Variants in BABAM2 observed in about 807,000 individuals in gnomAD.
BABAM2 encodes BRISC and BRCA1-A complex member 2.
In BABAM2, 31 loss-of-function variants were observed where a neutral mutation model predicts 54.7. That is an observed-to-expected ratio of 0.57 (90% CI 0.43 to 0.77). The LOEUF (loss-of-function observed/expected upper bound fraction) is 0.77, where lower values mean the gene tolerates loss of function less well. Ranked by LOEUF, BABAM2 falls within the 30% of genes least tolerant of loss-of-function variation. The probability of loss-of-function intolerance (pLI) is 0.00; values close to 1 mark genes in which losing one functional copy is unlikely to be tolerated. For synonymous variants in BABAM2, 167 were observed against 162.9 expected, an observed-to-expected ratio of 1.03 and a Z score of -0.19; for missense variants, 364 against 455.8, an observed-to-expected ratio of 0.80 and a Z score of 1.83.
rs186059501 is a variant in BABAM2, at chr2:28,329,120, C to T, written c.1089-9330C>T. Among the ~76,000 whole-genome samples, 727 of 152,310 alleles carry T rather than the reference C, an allele frequency of 4.8e-3. 4 individuals are homozygous for T. Among genetic ancestry groups the T allele is most frequent in the South Asian group, 0.028 (134 of 4,832 alleles). ...TCCCTGTCTTAACTTTCTTCAGTCT[C>T]CTGATTTCCCCTTCTCTAGAACCCA... On this transcript the variant is annotated intron_variant, in intron 11 of 11. Coordinates refer to ENST00000379624, the MANE Select transcript of BABAM2 (RefSeq NM_199191.3). The surrounding 1 kb of genome is among the most constrained non-coding windows in gnomAD (Gnocchi z 4.2).
intron 6 of BABAM2, among the ~76,000 whole-genome samples, chr2:28,061,295 A>G (rs867434394): frequency 4.6e-5 from 7 of 152,050 alleles, no homozygotes; most frequent in African/African-American, 9.7e-5. Context: ...TTAAAAAAAA[A>G]AGAGAAAAGG....
upstream of BABAM2, chr2:27,889,873 T>A (rs1467881385): frequency 5.0e-6 from 1 of 198,176 alleles, no homozygotes; most frequent in Non-Finnish European, 1.0e-5. Context: ...ACAACAACCC[T>A]GTGAGGTAGG....
intron 7 of BABAM2, among the ~76,000 whole-genome samples, chr2:28,163,143 T>C (rs1463753081): frequency 1.3e-5 from 2 of 152,120 alleles, no homozygotes; most frequent in African/African-American, 4.8e-5. Context: ...GTGTCATCTT[T>C]TGTGGCCAGC....
At chr2:28,141,406 T>A (rs1671042861) in intron 7 of BABAM2, among the ~76,000 whole-genome samples, 1 of 152,188 alleles carries the variant, frequency 6.6e-6, no homozygotes, top group African/African-American at 2.4e-5. Flanking sequence ...TCATATTTAT[T>A]GATATTTGCC....
intron 2 of BABAM2, among the ~76,000 whole-genome samples, chr2:27,912,655 C>T (rs1213024676): frequency 6.6e-6 from 1 of 152,184 alleles, no homozygotes; most frequent in Non-Finnish European, 1.5e-5. Context: ...CTGAGCCATA[C>T]TACCTTTAGA....
chr2:27,973,924 G>T (rs1290872866), intron 3 of BABAM2, among the ~76,000 whole-genome samples: 1 of 152,050 alleles, frequency 6.6e-6, no homozygotes, highest in African/African-American at 2.4e-5. Context: ...CTAACTTTAT[G>T]CCAATTCATT....
In BABAM2 at chr2:27,953,576, A is replaced by C. The variant is rs540765861; in HGVS notation, c.205+23668A>C. ...CAAAGTGCTGGGATTATAGGCATGA[A>C]CCACCGCACTGGGCCCACACTTCTC... On this transcript the variant is annotated intron_variant, in intron 3 of 11. Coordinates refer to ENST00000379624, the MANE Select transcript of BABAM2 (RefSeq NM_199191.3). 6.3e-3 allele frequency among the ~76,000 whole-genome samples: 948 copies of C among 151,286 alleles called. 4 individuals carry two copies. Among genetic ancestry groups the C allele is most frequent in the Non-Finnish European group, 7.9e-3 (533 of 67,804 alleles).
chr2:28,165,552 T>TG, intron 7 of BABAM2, among the ~76,000 whole-genome samples: 1 of 145,126 alleles, frequency 6.9e-6, no homozygotes, highest in African/African-American at 2.6e-5. Flanking sequence ...TTTTTTTTTT[T>TG]GAGACAGAGC....
intron 7 of BABAM2, among the ~76,000 whole-genome samples, chr2:28,155,375 T>C (rs1264283259): frequency 6.6e-6 from 1 of 152,082 alleles, no homozygotes; most frequent in Non-Finnish European, 1.5e-5. Context: ...GGTTAAGAAT[T>C]TGGAGAGAAA....
intron 6 of BABAM2, among the ~76,000 whole-genome samples, chr2:28,061,635 T>C (rs923590652): frequency 1.5e-4 from 22 of 151,122 alleles, no homozygotes; most frequent in African/African-American, 4.1e-4. Context: ...ATCCATGCCT[T>C]GAAAAGACAT....
At chr2:28,251,576 C>T (rs1156333428) in intron 10 of BABAM2, among the ~76,000 whole-genome samples, 5 of 152,108 alleles carry the variant, frequency 3.3e-5, no homozygotes, top group South Asian at 2.1e-4. Flanking sequence ...TTCATCTGCC[C>T]GCTATAGAAA....
chr2:28,202,258 T>C (rs1185473136), intron 7 of BABAM2, among the ~76,000 whole-genome samples: 1 of 152,184 alleles, frequency 6.6e-6, no homozygotes, highest in Non-Finnish European at 1.5e-5. Context: ...GTGTTCCTAA[T>C]GTTGGATTAT....
chr2:27,964,568 C>T (rs145515985), intron 3 of BABAM2, among the ~76,000 whole-genome samples: 24 of 152,210 alleles, frequency 1.6e-4, no homozygotes, highest in Admixed American at 5.9e-4. Flanking sequence ...TGTGCTGTGC[C>T]TGTAATATGG....
chr2:27,979,767 G>C (rs1671872545), intron 3 of BABAM2, among the ~76,000 whole-genome samples: 1 of 152,050 alleles, frequency 6.6e-6, no homozygotes, highest in South Asian at 2.1e-4. Context: ...ATGTTTTCCT[G>C]GCAGTTATTG....
intron 10 of BABAM2, among the ~76,000 whole-genome samples, chr2:28,277,957 C>G (rs1686019154): frequency 6.6e-6 from 1 of 152,152 alleles, no homozygotes; most frequent in Non-Finnish European, 1.5e-5. Flanking sequence ...TGTCCTAGAG[C>G]TCAGTCTTGG....
chr2:28,180,643 C>T (rs1378752450), intron 7 of BABAM2, among the ~76,000 whole-genome samples: 5 of 152,166 alleles, frequency 3.3e-5, no homozygotes, highest in African/African-American at 1.2e-4. Flanking sequence ...AAAGCTTCTG[C>T]ACAACAAAGG....
intron 6 of BABAM2, among the ~76,000 whole-genome samples, chr2:28,104,765 A>C (rs1353192494): frequency 2.0e-5 from 3 of 152,200 alleles, no homozygotes; most frequent in Non-Finnish European, 4.4e-5. Flanking sequence ...CACTATTCAC[A>C]ATAGCAAAGA....
intron 10 of BABAM2, among the ~76,000 whole-genome samples, chr2:28,260,660 T>G (rs1293672883): frequency 1.3e-5 from 2 of 152,190 alleles, no homozygotes; most frequent in Non-Finnish European, 2.9e-5. Context: ...CCTTTCCCTG[T>G]GCGTTCTAGA....
At chr2:28,312,834 T>C (rs1182961660) in intron 11 of BABAM2, among the ~76,000 whole-genome samples, 2 of 152,160 alleles carry the variant, frequency 1.3e-5, no homozygotes, top group Admixed American at 1.3e-4. Flanking sequence ...AAATAATCGA[T>C]ATAGACCTTT....
Sources: gnomAD v4.1 joint callset for allele counts (sites outside exome capture counted in the v4.1 genomes callset) on GRCh38, gnomAD v4.1.1 for gene constraint, Gnocchi (gnomAD v3.1) non-coding constraint, MANE v1.5 for transcripts, NCBI Gene and HGNC (gene_info 2026-07-23, HGNC 2026-07-21) for gene names.